AGBL1: variants seen among roughly 807,000 people sequenced by gnomAD.
AGBL1 encodes cytosolic carboxypeptidase 4.
AGBL1 carries 130 observed loss-of-function variants against 118.9 expected under a neutral mutation model. The observed-to-expected ratio is 1.09, with a 90% CI of 0.95 to 1.26. The LOEUF is 1.26. AGBL1 is among the 50% of genes most tolerant of loss of function. The probability of loss-of-function intolerance (pLI) is 0.00; values close to 1 mark genes in which losing one functional copy is unlikely to be tolerated. For synonymous variants in AGBL1, 555 were observed against 478.9 expected (o/e 1.16, Z -2.08); for missense variants, 1,584 against 1,298.1 (o/e 1.22, Z -3.38).
intron 18 of AGBL1, among the ~76,000 whole-genome samples, chr15:86,461,431 C>T (rs1037427483): frequency 3.9e-5 from 6 of 152,116 alleles, no homozygotes; most frequent in South Asian, 2.1e-4. Context: ...TTCCCTGGAC[C>T]GCATCTGAGA....
At chr15:86,854,788 C>T (rs1363089753) in intron 22 of AGBL1, among the ~76,000 whole-genome samples, 3 of 152,196 alleles carry the variant, frequency 2.0e-5, no homozygotes, top group Non-Finnish European at 4.4e-5. Context: ...TGGGTCTTAT[C>T]TCCTGTATAG....
At chr15:86,554,308 C>G (rs2083702268) in intron 20 of AGBL1, 53 bp from the exon 21 acceptor site, 9 of 1,414,338 alleles carry the variant, frequency 6.4e-6, no homozygotes, top group Non-Finnish European at 8.6e-6. Flanking sequence ...TTTATGATGA[C>G]TATCCCTAGT....
At chr15:86,184,430 T>C (rs1253144874) in intron 5 of AGBL1, among the ~76,000 whole-genome samples, 1 of 143,946 alleles carries the variant, frequency 6.9e-6, no homozygotes, top group Non-Finnish European at 1.5e-5. Flanking sequence ...TTCTTTTTTC[T>C]TTCTTTTTTT....
At chr15:86,788,465 C>T (rs2078445917) in intron 22 of AGBL1, among the ~76,000 whole-genome samples, 1 of 152,112 alleles carries the variant, frequency 6.6e-6, no homozygotes, top group South Asian at 2.1e-4. Context: ...TTTAATAGCA[C>T]TAAGTACGGG....
chr15:86,674,672 A>G (rs535483378), intron 22 of AGBL1, among the ~76,000 whole-genome samples: 1 of 152,268 alleles, frequency 6.6e-6, no homozygotes, highest in Admixed American at 6.5e-5. Flanking sequence ...TTTCTAGGTA[A>G]CACATTTATG....
At chr15:86,878,755 C>G (rs1240607924) in intron 22 of AGBL1, among the ~76,000 whole-genome samples, 1 of 152,222 alleles carries the variant, frequency 6.6e-6, no homozygotes, top group Non-Finnish European at 1.5e-5. Flanking sequence ...TCAATGTTAG[C>G]TAATCAGCCT....
At chr15:86,670,076 T>G (rs2085714255) in intron 21 of AGBL1, among the ~76,000 whole-genome samples, 1 of 150,698 alleles carries the variant, frequency 6.6e-6, no homozygotes, top group African/African-American at 2.5e-5. Flanking sequence ...ACACTTATGG[T>G]TTTATTTCCC....
intron 22 of AGBL1, among the ~76,000 whole-genome samples, chr15:86,879,554 T>A (rs1295824698): frequency 6.6e-6 from 1 of 152,126 alleles, no homozygotes; most frequent in Non-Finnish European, 1.5e-5. Context: ...CACCAACACA[T>A]CCATTTTTAA....
chr15:86,282,409 G>A (rs2079369930), intron 16 of AGBL1, among the ~76,000 whole-genome samples: 1 of 152,112 alleles, frequency 6.6e-6, no homozygotes, highest in African/African-American at 2.4e-5. Flanking sequence ...TTACTTTTGA[G>A]CCTACTGACT....
At chr15:86,572,040 T>C (rs1190553272) in intron 21 of AGBL1, among the ~76,000 whole-genome samples, 1 of 152,206 alleles carries the variant, frequency 6.6e-6, no homozygotes. Context: ...GCGTCTGGCA[T>C]GTCAGCTCTA....
At chr15:86,936,466 G>A (rs1039924241) in intron 23 of AGBL1, among the ~76,000 whole-genome samples, 3 of 152,074 alleles carry the variant, frequency 2.0e-5, no homozygotes, top group Admixed American at 6.5e-5. Context: ...TTGTAGATAG[G>A]GGAATGTTAG....
intron 22 of AGBL1, among the ~76,000 whole-genome samples, chr15:86,694,241 T>C (rs1385423267): frequency 6.6e-6 from 1 of 152,180 alleles, no homozygotes; most frequent in Non-Finnish European, 1.5e-5. Flanking sequence ...GGGATGTGTT[T>C]CCATTTGTTT....
In AGBL1 at chr15:86,423,566, G is replaced by A. The variant is rs574499257; in HGVS notation, c.2555+26020G>A. On this transcript the variant is annotated intron_variant, in intron 18 of 22. Coordinates refer to ENST00000614907, the MANE Select transcript of AGBL1 (RefSeq NM_001386094.1). ...ATCATGCAAGAGAAAGAAATAAAGG[G>A]TATTCAGATAGGAAGAGAGGAAGTC... 3.9e-5 allele frequency among the ~76,000 whole-genome samples: 6 copies of A among 152,252 alleles called. No individual in the cohort carries two copies. The South Asian group carries it at 1.0e-3, about 26-fold the overall frequency.
chr15:86,488,129 G>C (rs2082734890), intron 18 of AGBL1, among the ~76,000 whole-genome samples: 1 of 152,028 alleles, frequency 6.6e-6, no homozygotes, highest in African/African-American at 2.4e-5. Context: ...GCTGGAAGTT[G>C]ATGGCAACCC....
intron 6 of AGBL1, among the ~76,000 whole-genome samples, chr15:86,245,565 G>A (rs2078707003): frequency 1.3e-5 from 2 of 152,184 alleles, no homozygotes; most frequent in Admixed American, 6.5e-5. Flanking sequence ...AGCCCAAGGA[G>A]CTTAACCTGA....
intron 18 of AGBL1, among the ~76,000 whole-genome samples, chr15:86,415,854 A>G (rs202097985): frequency 6.6e-6 from 1 of 152,286 alleles, no homozygotes; most frequent in East Asian, 1.9e-4. Flanking sequence ...GCTCTTATAA[A>G]TGTTATGATT....
chr15:86,157,647 G>A (rs928696666), intron 4 of AGBL1, among the ~76,000 whole-genome samples: 2 of 152,282 alleles, frequency 1.3e-5, no homozygotes, highest in Admixed American at 6.5e-5. Context: ...TTACTGATGA[G>A]AGGTAAGCAG....
intron 22 of AGBL1, among the ~76,000 whole-genome samples, chr15:86,735,984 C>A (rs1392574292): frequency 6.6e-6 from 1 of 152,166 alleles, no homozygotes; most frequent in African/African-American, 2.4e-5. Flanking sequence ...GGTGCCAGCA[C>A]ATGCTTGGTG....
chr15:86,351,637 A>T (rs540415121), intron 17 of AGBL1, among the ~76,000 whole-genome samples: 1 of 152,284 alleles, frequency 6.6e-6, no homozygotes, highest in East Asian at 1.9e-4. Flanking sequence ...TGGCATCTGT[A>T]AATCTGATCA....
Sources: gnomAD v4.1 joint callset for allele counts (sites outside exome capture counted in the v4.1 genomes callset) on GRCh38, gnomAD v4.1.1 for gene constraint, MANE v1.5 for transcripts, NCBI Gene and HGNC (gene_info 2026-07-23, HGNC 2026-07-21) for gene names.